Variants in PSD3 observed in about 807,000 individuals in gnomAD.
The protein encoded by PSD3 is pleckstrin and Sec7 domain containing 3.
Under a neutral mutation model 105.5 loss-of-function variants are expected in PSD3, and 49 were observed. That is an observed-to-expected ratio of 0.46 (90% CI 0.37 to 0.59). PSD3 has a LOEUF of 0.59. PSD3 is among the 20% of genes least tolerant of loss of function. PSD3 has a pLI of 0.00. For synonymous variants in PSD3, 557 were observed against 457.8 expected (o/e 1.22, Z -2.77); for missense variants, 1,561 against 1,263.8 (o/e 1.24, Z -3.57).
At chr8:18,740,039 G>C (rs185580756) in intron 9 of PSD3, among the ~76,000 whole-genome samples, 1 of 152,230 alleles carries the variant, frequency 6.6e-6, no homozygotes, top group East Asian at 1.9e-4. Context: ...AAGCTCACAG[G>C]GACAAAACTG....
chr8:18,602,664 T>C (rs1388405677), intron 11 of PSD3, among the ~76,000 whole-genome samples: 1 of 152,042 alleles, frequency 6.6e-6, no homozygotes, highest in African/African-American at 2.4e-5. Flanking sequence ...GATACTTCCA[T>C]CTTACGTGAG....
chr8:18,626,422 C>A (rs927118159), intron 11 of PSD3, among the ~76,000 whole-genome samples: 6 of 152,040 alleles, frequency 3.9e-5, no homozygotes, highest in Admixed American at 3.9e-4. Context: ...AATTTACATA[C>A]AAATGTAATA....
chr8:18,910,876 G>C (rs1820173190), intron 2 of PSD3, among the ~76,000 whole-genome samples: 1 of 151,240 alleles, frequency 6.6e-6, no homozygotes, highest in Admixed American at 6.6e-5. Context: ...ACAAACAGAA[G>C]TTCAAGGCCA....
chr8:18,681,806 T>A (rs868600077), intron 9 of PSD3, among the ~76,000 whole-genome samples: 5 of 152,126 alleles, frequency 3.3e-5, no homozygotes, highest in Non-Finnish European at 2.9e-5. Context: ...CCTAAAAATA[T>A]CTCTTGTGAG....
At chr8:18,561,547 G>A (rs1801398217) in intron 14 of PSD3, among the ~76,000 whole-genome samples, 1 of 152,218 alleles carries the variant, frequency 6.6e-6, no homozygotes, top group South Asian at 2.1e-4. Flanking sequence ...TATCATGATG[G>A]CTAGAGTTCA....
At chr8:18,781,701 T>C (rs1373187985) in intron 8 of PSD3, among the ~76,000 whole-genome samples, 1 of 152,220 alleles carries the variant, frequency 6.6e-6, no homozygotes, top group Non-Finnish European at 1.5e-5. Context: ...GGGTAGAATA[T>C]ATTTGAAGAT....
chr8:18,863,474 T>C (rs1434951753), intron 4 of PSD3, among the ~76,000 whole-genome samples: 1 of 152,104 alleles, frequency 6.6e-6, no homozygotes, highest in Non-Finnish European at 1.5e-5. Context: ...TCTTCATTGA[T>C]ATATTGTGTT....
At chr8:18,569,034 A>G (rs1314592416) in intron 14 of PSD3, among the ~76,000 whole-genome samples, 3 of 137,092 alleles carry the variant, frequency 2.2e-5, no homozygotes, top group Non-Finnish European at 3.2e-5. Flanking sequence ...AAGGACATGA[A>G]CTCATCATTT....
At chr8:18,920,399 C>A (rs978550135) in intron 2 of PSD3, among the ~76,000 whole-genome samples, 1 of 152,034 alleles carries the variant, frequency 6.6e-6, no homozygotes, top group South Asian at 2.1e-4. Context: ...CTTGCTTGTA[C>A]CTAAAGGAGA....
At chr8:18,644,661 C>G (rs950245188) in intron 10 of PSD3, among the ~76,000 whole-genome samples, 3 of 152,154 alleles carry the variant, frequency 2.0e-5, no homozygotes, top group African/African-American at 7.2e-5. Flanking sequence ...CACAATGCTC[C>G]GTTTGCAGCA....
At chr8:18,643,089 G>A (rs904515914) in intron 10 of PSD3, among the ~76,000 whole-genome samples, 8 of 152,164 alleles carry the variant, frequency 5.3e-5, no homozygotes, top group African/African-American at 1.9e-4. Context: ...CACGAATGGT[G>A]ACTTATTTCT....
chr8:18,632,771 C>T lies in PSD3; in HGVS notation c.2252G>A (p.Ser751Asn), dbSNP rs766881799. 3.7e-6 allele frequency: 6 copies of T among 1,600,768 alleles called. No individual in the cohort carries two copies. Among genetic ancestry groups the T allele is most frequent in the Non-Finnish European group, 5.1e-6 (6 of 1,169,582 alleles). ...DEEKKKSPSESTEEKANGTHP... is the reference protein window; with the variant it reads ...DEEKKKSPSENTEEKANGTHP... ...TGTTCCGTTAGCTTTCTCCTCAGTA[C>T]TTTCTGAGGGAGACTTTTTTTTCTC... Residue 751 changes from serine (S) to asparagine (N), a missense_variant, in exon 11 of 16, where the codon AGT becomes AAT. By Grantham distance (46) the Ser-to-Asn change is conservative. Coordinates refer to ENST00000327040, the MANE Select transcript of PSD3 (RefSeq NM_015310.4).
At chr8:18,837,936 A>G (rs967734010) in intron 4 of PSD3, among the ~76,000 whole-genome samples, 3 of 152,164 alleles carry the variant, frequency 2.0e-5, no homozygotes, top group Non-Finnish European at 4.4e-5. Flanking sequence ...GTTGTCTATC[A>G]GGCAGATGGC....
chr8:18,872,888 C>T (rs2129457765), intron 2 of PSD3, among the ~76,000 whole-genome samples, 155 bp from the exon 3 acceptor site: 1 of 152,274 alleles, frequency 6.6e-6, no homozygotes, highest in African/African-American at 2.4e-5. Context: ...ACACACACTC[C>T]TCATGACACT....
chr8:19,030,865 C>A (rs908533456), intron 1 of PSD3, among the ~76,000 whole-genome samples: 1 of 152,154 alleles, frequency 6.6e-6, no homozygotes, highest in African/African-American at 2.4e-5. Context: ...GAAAAATATA[C>A]CTGGATAAGC....
chr8:18,692,950 G>A (rs967363810), intron 9 of PSD3, among the ~76,000 whole-genome samples: 2 of 152,130 alleles, frequency 1.3e-5, no homozygotes, highest in Admixed American at 1.3e-4. Flanking sequence ...TCACTACCGG[G>A]GGTAGAATGT....
At chr8:18,736,689 G>C (rs189516852) in intron 9 of PSD3, among the ~76,000 whole-genome samples, 2 of 152,056 alleles carry the variant, frequency 1.3e-5, no homozygotes, top group Non-Finnish European at 2.9e-5. Context: ...GGAAATAATG[G>C]TGCACAAAAA....
chr8:18,623,093 C>T (rs1290976605), intron 11 of PSD3, among the ~76,000 whole-genome samples: 2 of 151,942 alleles, frequency 1.3e-5, no homozygotes, highest in Non-Finnish European at 2.9e-5. Flanking sequence ...CCATATGGTC[C>T]AGGCTGGTCT....
At chr8:19,039,536 A>G (rs1828054616) in intron 1 of PSD3, among the ~76,000 whole-genome samples, 1 of 152,194 alleles carries the variant, frequency 6.6e-6, no homozygotes, top group Non-Finnish European at 1.5e-5. Context: ...AGTCCCTGAT[A>G]TGCTTGCTAT....
Sources: gnomAD v4.1 joint callset for allele counts (sites outside exome capture counted in the v4.1 genomes callset) on GRCh38, gnomAD v4.1.1 for gene constraint, MANE v1.5 for transcripts, NCBI Gene and HGNC (gene_info 2026-07-23, HGNC 2026-07-21) for gene names.